Variants in SPATA13 observed in about 807,000 individuals in gnomAD.
SPATA13 encodes the protein spermatogenesis associated 13, also known as spermatogenesis-associated protein 13.
Under a neutral mutation model 104.0 loss-of-function variants are expected in SPATA13, and 50 were observed. The ratio of observed to expected loss-of-function variants is 0.48; its 90% confidence interval spans 0.38 to 0.61. SPATA13 has a LOEUF of 0.61. Ranked by LOEUF, SPATA13 falls within the 20% of genes least tolerant of loss-of-function variation. The pLI, the probability that SPATA13 is intolerant of heterozygous loss-of-function variation, is 0.00. For missense variants in SPATA13, 1,524 were observed against 1,690.6 expected, an observed-to-expected ratio of 0.90 and a Z score of 1.73; for synonymous variants, 606 against 667.5, an observed-to-expected ratio of 0.91 and a Z score of 1.42.
intron 3 of SPATA13, among the ~76,000 whole-genome samples, chr13:24,140,227 G>A (rs535416254): frequency 2.0e-5 from 3 of 152,274 alleles, no homozygotes; most frequent in African/African-American, 4.8e-5. Flanking sequence ...AAGCCTAGTC[G>A]TTTAGGTTAA....
chr13:24,102,634 C>G (rs1880294355), intron 3 of SPATA13, among the ~76,000 whole-genome samples: 1 of 151,954 alleles, frequency 6.6e-6, no homozygotes, highest in African/African-American at 2.4e-5. Flanking sequence ...ACCACTAAGC[C>G]TGGCTATTTT....
chr13:24,293,453 C>T (rs925345235), intron 9 of SPATA13, among the ~76,000 whole-genome samples: 4 of 152,070 alleles, frequency 2.6e-5, no homozygotes, highest in African/African-American at 9.7e-5. Flanking sequence ...AAGCTGGGTC[C>T]AGAAGTCCAC....
At chr13:24,061,726 G>T (rs372059744) in intron 3 of SPATA13, among the ~76,000 whole-genome samples, 1 of 152,118 alleles carries the variant, frequency 6.6e-6, no homozygotes, top group South Asian at 2.1e-4. Context: ...TGAGAGTGGA[G>T]TGTGGGAGGA....
intron 3 of SPATA13, among the ~76,000 whole-genome samples, chr13:24,136,628 T>A (rs533207570): frequency 6.6e-6 from 1 of 152,266 alleles, no homozygotes; most frequent in African/African-American, 2.4e-5. Context: ...GCTAATTTGA[T>A]GGGCTCAGCT....
upstream of SPATA13, among the ~76,000 whole-genome samples, chr13:24,157,436 C>A (rs1485544535): frequency 2.6e-5 from 4 of 152,104 alleles, no homozygotes; most frequent in South Asian, 4.1e-4. Flanking sequence ...GTAGCTGGGA[C>A]TACAGGCGCC....
chr13:24,185,941 C>A (rs970096815), intron 1 of SPATA13, among the ~76,000 whole-genome samples: 1 of 152,124 alleles, frequency 6.6e-6, no homozygotes, highest in Non-Finnish European at 1.5e-5. Flanking sequence ...AGGCTTGAAT[C>A]TTATGGCAAT....
At chr13:24,025,891 G>C (rs9507217) in intron 3 of SPATA13, among the ~76,000 whole-genome samples, 81,144 of 150,068 alleles carry the variant, frequency 0.54, 21,944 homozygotes, top group Middle Eastern at 0.57. Context: ...TACAACCTCC[G>C]CCTCCCAGGT....
In SPATA13 at chr13:24,051,641, G is replaced by A. The variant is rs577807841; in HGVS notation, c.-112+33940G>A. On this transcript the variant is annotated intron_variant, in intron 3 of 14. Coordinates refer to the SPATA13 transcript ENST00000424834. The surrounding 1 kb of genome is among the most constrained non-coding windows in gnomAD (Gnocchi z 4.2). ...AGACAATGCTCCCTGTTTGGGGATG[G>A]AGGGGTGGGGACTTAGGGGCAAGGG... Among the ~76,000 whole-genome samples, 37 of 152,240 alleles carry A rather than the reference G, an allele frequency of 2.4e-4. No homozygotes were observed. Among genetic ancestry groups the A allele is most frequent in the African/African-American group, 8.9e-4 (37 of 41,554 alleles).
chr13:24,192,462 T>C (rs891494804), intron 1 of SPATA13, among the ~76,000 whole-genome samples: 7 of 152,094 alleles, frequency 4.6e-5, no homozygotes, highest in Admixed American at 6.6e-5. Flanking sequence ...TTCCTCCTCC[T>C]ACCCGCTGAA....
At position 24,160,828 on chromosome 13, in the gene SPATA13, G is replaced by C. The variant is rs1174466957; in HGVS notation, c.-216G>C. On this transcript the variant is annotated 5_prime_UTR_variant, in exon 1 of 13. Coordinates refer to ENST00000382108, the MANE Select transcript of SPATA13 (RefSeq NM_001166271.3). ...CGCACTGGATCCCAGGCTCCTCCGAGAGTGCGGCGACCTCGGGGCTCCGCC... is the reference window on the plus strand; with the variant it reads ...CGCACTGGATCCCAGGCTCCTCCGACAGTGCGGCGACCTCGGGGCTCCGCC... The C allele has an allele frequency of 4.1e-6, 4 of 985,304 alleles. No individual in the cohort carries two copies. Among genetic ancestry groups the C allele is most frequent in the Non-Finnish European group, 4.8e-6 (4 of 829,910 alleles). The allele number at this position is 985,304 out of a possible 1,614,324, so 61.0% of individuals were successfully genotyped here.
intron 3 of SPATA13, among the ~76,000 whole-genome samples, chr13:24,140,093 A>G (rs1231582638): frequency 1.3e-5 from 2 of 151,888 alleles, no homozygotes; most frequent in African/African-American, 4.8e-5. Flanking sequence ...AAAAGTCTGT[A>G]ACATGCAAAG....
intron 4 of SPATA13, chr13:24,272,849 T>G (rs546703549): frequency 6.6e-6 from 1 of 152,406 alleles, no homozygotes; most frequent in South Asian, 2.1e-4. Flanking sequence ...TCAAGAGGAT[T>G]TATTCCAGCG....
In SPATA13 at chr13:24,249,753, G is replaced by C. The variant is rs1034691989; in HGVS notation, c.1930G>C (p.Ala644Pro). 6.2e-7 allele frequency: 1 copy of C among 1,614,142 alleles called. No homozygotes were observed. The highest frequency in any genetic ancestry group is 2.2e-5 in the East Asian group (1 of 44,888). ...TGCTCCAGTGGGCTGCCCCAAAGGA[G>C]CCCGGAGAAGGCGCCCCATTTCCGT... ...QNAPVGCPKGARRRRPISVIG... is the reference protein window; with the variant it reads ...QNAPVGCPKGPRRRRPISVIG... The change falls in exon 3 of 13, where the codon GCC (alanine) becomes CCC (proline). Residue 644 changes from alanine to proline, a missense_variant. This residue lies in a region of SPATA13 where 1,089 missense variants were observed against 1,135.9 expected (regional missense o/e 0.96). Transcript: ENST00000382108.
chr13:24,133,454 G>A (rs1232989937), intron 3 of SPATA13, among the ~76,000 whole-genome samples: 4 of 152,136 alleles, frequency 2.6e-5, no homozygotes, highest in African/African-American at 9.7e-5. Context: ...AATGTCAGTG[G>A]GCACAGGAAG....
chr13:24,223,150 G>A lies in SPATA13; in HGVS notation c.221G>A (p.Arg74His), dbSNP rs771775415. ...EAKLSPAKLVRLFSTSRKRTG... is the reference protein window; with the variant it reads ...EAKLSPAKLVHLFSTSRKRTG... ...AAACTCAGCCCAGCCAAGCTTGTGC[G>A]CCTCTTTTCCACCAGTCGGAAGAGG... is the stretch of plus-strand genomic sequence containing the variant. The change falls in exon 2 of 13, where the codon CGC (arginine) becomes CAC (histidine). Residue 74 changes from arginine (R) to histidine (H), a missense_variant. Arg to His is a conservative substitution (Grantham distance 29). Transcript: ENST00000382108. The A allele has an allele frequency of 1.9e-5, 30 of 1,551,572 alleles. No individual in the cohort carries two copies. Among genetic ancestry groups the A allele is most frequent in the Admixed American group, 7.8e-5 (4 of 50,990 alleles).
intron 3 of SPATA13, among the ~76,000 whole-genome samples, chr13:24,038,041 A>G (rs923574414): frequency 3.9e-5 from 6 of 152,008 alleles, no homozygotes; most frequent in African/African-American, 1.2e-4. Flanking sequence ...CCTCCCGAGT[A>G]GCTGGGATTA....
At chr13:24,164,009 T>G (rs1261393994) in intron 1 of SPATA13, among the ~76,000 whole-genome samples, 2 of 152,250 alleles carry the variant, frequency 1.3e-5, no homozygotes, top group Non-Finnish European at 2.9e-5. Context: ...AACATCACAG[T>G]GGTATAAATT....
rs769572904 is a variant in SPATA13 at position 24,286,271 on chromosome 13, G to A, written c.2359G>A (p.Asp787Asn). 2.9e-5 allele frequency: 46 copies of A among 1,613,958 alleles called. No individual in the cohort carries two copies. The highest frequency in any genetic ancestry group is 3.8e-5 in the Non-Finnish European group (45 of 1,180,050). The change falls in exon 6 of 13, where the codon GAT becomes AAT. Residue 787 changes from aspartate (D) to asparagine (N), a missense_variant. Transcript: ENST00000382108. This position sits in a 1 kb window ranked among gnomAD's most constrained non-coding sequence, Gnocchi z 4.9. ...AEALWDHVTM[D>N]DQELGFKAGD... ...AGCCCTGTGGGACCATGTGACCATG[G>A]ATGACCAGGAACTGGGCTTCAAAGC... is the stretch of plus-strand genomic sequence containing the variant.
chr13:24,035,970 C>T (rs1235397279), intron 3 of SPATA13, among the ~76,000 whole-genome samples: 1 of 147,300 alleles, frequency 6.8e-6, no homozygotes, highest in Non-Finnish European at 1.5e-5. Context: ...GCCAAGATTA[C>T]GCCACTGCAC....
Sources: gnomAD v4.1 joint callset for allele counts (sites outside exome capture counted in the v4.1 genomes callset) on GRCh38, gnomAD v4.1.1 for gene constraint, gnomAD v4.1.1 regional missense constraint, Gnocchi (gnomAD v3.1) non-coding constraint, MANE v1.5 for transcripts, NCBI Gene and HGNC (gene_info 2026-07-23, HGNC 2026-07-21) for gene names.